The following NUP210L variants were observed in gnomAD, a reference collection of about 807,000 sequenced individuals.
NUP210L encodes the protein nuclear pore membrane glycoprotein 210-like.
A neutral mutation model predicts 208.5 loss-of-function variants in NUP210L; 74 were observed. The observed-to-expected ratio is 0.35, with a 90% CI of 0.29 to 0.43. NUP210L has a LOEUF of 0.43. Among genes scored for constraint, NUP210L ranks in the 20% least tolerant of loss-of-function variants. The pLI is 1.00. For missense variants in NUP210L, 1,843 were observed against 2,289.4 expected, an observed-to-expected ratio of 0.81 and a Z score of 3.98; for synonymous variants, 780 against 816.9, an observed-to-expected ratio of 0.95 and a Z score of 0.77.
At chr1:154,153,219 G>C (rs1297238082) in intron 1 of NUP210L, among the ~76,000 whole-genome samples, 4 of 152,062 alleles carry the variant, frequency 2.6e-5, no homozygotes, top group African/African-American at 7.2e-5. Flanking sequence ...CTAGAAACCA[G>C]GCTTCTGATA....
At chr1:154,132,753 G>A (rs1658321983) in intron 7 of NUP210L, among the ~76,000 whole-genome samples, 2 of 152,096 alleles carry the variant, frequency 1.3e-5, no homozygotes, top group African/African-American at 2.4e-5. Flanking sequence ...TTATTTTGTA[G>A]GTATGATTGT....
intron 33 of NUP210L, among the ~76,000 whole-genome samples, chr1:154,018,037 T>A (rs1407794352): frequency 6.6e-6 from 1 of 151,924 alleles, no homozygotes; most frequent in Admixed American, 6.6e-5. Flanking sequence ...AGTGGCTTGA[T>A]GTCAGTTCAC....
chr1:154,144,313 TTAG>T (rs1354251017), intron 2 of NUP210L, among the ~76,000 whole-genome samples: 2 of 152,214 alleles, frequency 1.3e-5, no homozygotes, highest in Non-Finnish European at 2.9e-5. Context: ...ATAATGGTGT[TTAG>T]TAGATTTTTT....
chr1:154,138,356 T>C (rs1658656630), intron 5 of NUP210L, 118 bp from the exon 6 acceptor site: 5 of 895,898 alleles, frequency 5.6e-6, no homozygotes, highest in Non-Finnish European at 7.9e-6. Context: ...TTATAAAGAT[T>C]TTTTTAAAAG....
intron 25 of NUP210L, among the ~76,000 whole-genome samples, chr1:154,050,491 G>A (rs1443383381): frequency 6.6e-6 from 1 of 151,898 alleles, no homozygotes; most frequent in Non-Finnish European, 1.5e-5. Flanking sequence ...TTGTCCAAGA[G>A]CAGGACTTAG....
intron 5 of NUP210L, among the ~76,000 whole-genome samples, chr1:154,138,738 A>G (rs963613952): frequency 1.3e-5 from 2 of 152,200 alleles, no homozygotes; most frequent in African/African-American, 4.8e-5. Context: ...TGTTTTTCCC[A>G]AACCTATTTA....
intron 23 of NUP210L, among the ~76,000 whole-genome samples, chr1:154,055,123 TTTTCTTTC>T (rs533438783): frequency 0.15 from 16,984 of 116,852 alleles, 1,275 homozygotes; most frequent in Non-Finnish European, 0.16. Context: ...TCTTTCTTTC[TTTTCTTTC>T]TTTCTTTCTT....
intron 23 of NUP210L, 55 bp from the exon 24 acceptor site, chr1:154,054,887 CAT>C (rs1571218535): frequency 5.6e-6 from 7 of 1,246,874 alleles, no homozygotes; most frequent in Non-Finnish European, 7.0e-6. Flanking sequence ...AATTTTATAA[CAT>C]ATCATGGTCA....
chr1:154,117,792 T>C (rs1397315565), exon 12 of NUP210L: 2 of 1,555,530 alleles, frequency 1.3e-6, no homozygotes, highest in South Asian at 1.1e-5. Context: ...CCCCCTGACC[T>C]GACCTGCAGT....
chr1:154,133,912 G>A (rs1239526867), intron 7 of NUP210L, among the ~76,000 whole-genome samples: 1 of 151,852 alleles, frequency 6.6e-6, no homozygotes, highest in Non-Finnish European at 1.5e-5. Context: ...CACTGTGGAA[G>A]GCCGAAGTGG....
rs372520263 is a variant in NUP210L, at chr1:154,068,719, G to A, written c.2554+1554C>T. Among the ~76,000 whole-genome samples the A allele has an allele frequency of 5.1e-4, 78 of 151,652 alleles. No homozygotes were observed. In the South Asian group the frequency reaches 0.014, roughly 27 times the overall value. On this transcript the variant is annotated intron_variant, in intron 17 of 39. Transcript: ENST00000368559. Reference sequence around the variant, plus strand: ...AAATCATCATTCTCAGTAAACTATCGCAAGAACAAAAAACCAAACACCACA... The same window carrying A: ...AAATCATCATTCTCAGTAAACTATCACAAGAACAAAAAACCAAACACCACA...
At position 154,116,324 on chromosome 1, in the gene NUP210L, T is replaced by C. The variant is rs182663523; in HGVS notation, c.1620+1401A>G. Reference sequence around the variant, plus strand: ...CTGTAGTCCCAGCTACTCAGGAGGCTGAGGCAGGAGAATTGCTTGAACCTG... The same window carrying C: ...CTGTAGTCCCAGCTACTCAGGAGGCCGAGGCAGGAGAATTGCTTGAACCTG... On this transcript the variant is annotated intron_variant, in intron 12 of 39. Coordinates refer to ENST00000368559, the Ensembl canonical transcript of NUP210L. Among the ~76,000 whole-genome samples, 337 of 149,804 alleles carry C rather than the reference T, an allele frequency of 2.2e-3. 4 individuals are homozygous for C. Among genetic ancestry groups the C allele is most frequent in the African/African-American group, 7.9e-3 (321 of 40,642 alleles).
At chr1:154,144,822 G>T (rs1467700497) in intron 2 of NUP210L, among the ~76,000 whole-genome samples, 2 of 152,220 alleles carry the variant, frequency 1.3e-5, no homozygotes, top group African/African-American at 4.8e-5. Context: ...TCAAAGGAGA[G>T]GCCGGGTGCA....
chr1:154,109,458 C>A (rs1656933851), intron 12 of NUP210L, among the ~76,000 whole-genome samples: 1 of 151,502 alleles, frequency 6.6e-6, no homozygotes. Flanking sequence ...GACTTCAACA[C>A]CCTACTTTCA....
intron 17 of NUP210L, among the ~76,000 whole-genome samples, chr1:154,062,048 G>A (rs768527419): frequency 1.5e-4 from 23 of 151,948 alleles, no homozygotes; most frequent in Non-Finnish European, 2.8e-4. Flanking sequence ...GGCTGGTCTC[G>A]AATTCCTGAC....
chr1:154,152,652 C>T, intron 2 of NUP210L, 84 bp downstream of exon 2: 1 of 1,235,454 alleles, frequency 8.1e-7, no homozygotes, highest in South Asian at 1.4e-5. Flanking sequence ...GAAGCCAACA[C>T]CATTTGTGTT....
chr1:154,104,415 C>A, intron 12 of NUP210L: 2 of 558,396 alleles, frequency 3.6e-6, no homozygotes, highest in South Asian at 2.1e-5. Flanking sequence ...AACATCATAT[C>A]AAGGAAGGAG....
At chr1:154,029,648 C>T (rs1477606009) in intron 28 of NUP210L, among the ~76,000 whole-genome samples, 1 of 152,068 alleles carries the variant, frequency 6.6e-6, no homozygotes, top group Non-Finnish European at 1.5e-5. Flanking sequence ...CGAGATTGTG[C>T]CATTGCACTC....
rs1213732819 is a variant in NUP210L, at chr1:154,072,327, C to CTTTTTTTTT, written c.2362-1871_2362-1863dup. On this transcript the variant is annotated intron_variant, in intron 16 of 39. Transcript: ENST00000368559. ...TTTTTTATTTTAATTATGGCCATTC[C>CTTTTTTTTT]TTTTTTTTTTTTTTTTTTTTTTTGA... Among the ~76,000 whole-genome samples the CTTTTTTTTT allele has an allele frequency of 1.5e-4, 12 of 80,250 alleles. 1 individual carries two copies. Among genetic ancestry groups the CTTTTTTTTT allele is most frequent in the Non-Finnish European group, 2.0e-4 (8 of 40,772 alleles). 52.6% of individuals were successfully genotyped at this position (80,250 alleles called of 152,430 possible).
Sources: gnomAD v4.1 joint callset for allele counts (sites outside exome capture counted in the v4.1 genomes callset) on GRCh38, gnomAD v4.1.1 for gene constraint, MANE v1.5 for transcripts, NCBI Gene and HGNC (gene_info 2026-07-23, HGNC 2026-07-21) for gene names.